KIZ: variants seen among roughly 807,000 people sequenced by gnomAD.
KIZ encodes the protein kizuna centrosomal protein, also known as centrosomal protein kizuna.
KIZ carries 68 observed loss-of-function variants against 79.6 expected under a neutral mutation model. The ratio of observed to expected loss-of-function variants is 0.85; its 90% CI spans 0.70 to 1.05. KIZ has a LOEUF of 1.05. Among genes scored for constraint, KIZ ranks in the 50% least tolerant of loss-of-function variants. The pLI, the probability that KIZ is intolerant of heterozygous loss-of-function variation, is 0.00. For missense variants in KIZ, 797 were observed against 800.4 expected, an observed-to-expected ratio of 1.00 and a Z score of 0.05; for synonymous variants, 280 against 281.8, an observed-to-expected ratio of 0.99 and a Z score of 0.06.
intron 9 of KIZ, among the ~76,000 whole-genome samples, chr20:21,217,407 G>A (rs982261010): frequency 7.9e-5 from 12 of 152,222 alleles, no homozygotes; most frequent in Non-Finnish European, 1.6e-4. Flanking sequence ...AGTAAAGCAA[G>A]TATGTAGTTT....
At chr20:21,214,334 A>G (rs1007096453) in intron 7 of KIZ, among the ~76,000 whole-genome samples, 3 of 152,202 alleles carry the variant, frequency 2.0e-5, no homozygotes, top group Admixed American at 6.5e-5. Context: ...TTGTGAGGGT[A>G]ACTTGTAAAG....
intron 4 of KIZ, among the ~76,000 whole-genome samples, chr20:21,155,853 C>T (rs145757181): frequency 6.6e-6 from 1 of 152,216 alleles, no homozygotes; most frequent in Admixed American, 6.5e-5. Flanking sequence ...AAATAATGCT[C>T]TACGTGAACT....
At chr20:21,222,661 C>G (rs963927289) in intron 9 of KIZ, among the ~76,000 whole-genome samples, 6 of 152,226 alleles carry the variant, frequency 3.9e-5, no homozygotes, top group Admixed American at 3.9e-4. Flanking sequence ...CAGCAGGGCC[C>G]TTGCCTCTGA....
intron 6 of KIZ, among the ~76,000 whole-genome samples, chr20:21,171,251 G>C (rs1234254946): frequency 6.6e-6 from 1 of 152,116 alleles, no homozygotes; most frequent in Non-Finnish European, 1.5e-5. Flanking sequence ...TGTCTGTTCA[G>C]ATCTGTCACC....
chr20:21,143,796 A>G (rs2032700651), intron 3 of KIZ, among the ~76,000 whole-genome samples: 1 of 152,188 alleles, frequency 6.6e-6, no homozygotes, highest in Non-Finnish European at 1.5e-5. Context: ...TAGGCTCTGG[A>G]GAGCGCTGTG....
chr20:21,195,790 T>C (rs1250203568), intron 6 of KIZ: 1 of 152,222 alleles, frequency 6.6e-6, no homozygotes, highest in Non-Finnish European at 1.5e-5. Context: ...TGAGAAGATC[T>C]AGGTTCACTG....
chr20:21,217,191 T>C (rs1390743767), intron 9 of KIZ, among the ~76,000 whole-genome samples: 1 of 152,238 alleles, frequency 6.6e-6, no homozygotes, highest in Non-Finnish European at 1.5e-5. Flanking sequence ...GTTAAGGTGT[T>C]ACTGTTCTGT....
chr20:21,208,276 C>T (rs573980303), intron 7 of KIZ, among the ~76,000 whole-genome samples: 3 of 152,188 alleles, frequency 2.0e-5, no homozygotes, highest in Admixed American at 1.3e-4. Flanking sequence ...GGGGTGCTGT[C>T]CAGCTAATAT....
At position 21,221,312 on chromosome 20, in the gene KIZ, A is replaced by C. The variant is rs138542101; in HGVS notation, c.1678+5664A>C. ...CAGCACCTAGCACAGTATCTGGCACAGAGTGGGCACTTAATTTGTCAAATG... is the reference window on the plus strand; with the variant it reads ...CAGCACCTAGCACAGTATCTGGCACCGAGTGGGCACTTAATTTGTCAAATG... On this transcript the variant is annotated intron_variant, in intron 9 of 12. Transcript: ENST00000619189. 6.6e-5 allele frequency among the ~76,000 whole-genome samples: 10 copies of C among 152,348 alleles called. No individual in the cohort carries two copies. In the East Asian group the frequency reaches 1.9e-3, roughly 29 times the overall value.
rs566772731 is a variant in KIZ, at chr20:21,135,977, G to T, written c.153-413G>T. Among the ~76,000 whole-genome samples, 8 of 152,218 alleles carry T rather than the reference G, an allele frequency of 5.3e-5. No homozygotes were observed. In the South Asian group the frequency reaches 1.7e-3, roughly 32 times the overall value. ...TTAATTTCTTAATTTTATGGGTTGTGATTTGTAGTTTGATTTAATTCCATA... is the reference window on the plus strand; with the variant it reads ...TTAATTTCTTAATTTTATGGGTTGTTATTTGTAGTTTGATTTAATTCCATA... On this transcript the variant is annotated intron_variant, in intron 2 of 12. Transcript: ENST00000619189.
intron 6 of KIZ, among the ~76,000 whole-genome samples, chr20:21,173,277 A>C (rs957519639): frequency 6.6e-6 from 1 of 152,072 alleles, no homozygotes; most frequent in Non-Finnish European, 1.5e-5. Context: ...ATATTTTTAT[A>C]TAAAAGAACC....
intron 6 of KIZ, among the ~76,000 whole-genome samples, chr20:21,204,833 G>C (rs2035749362): frequency 6.6e-6 from 1 of 152,140 alleles, no homozygotes; most frequent in African/African-American, 2.4e-5. Context: ...GTAGACCATG[G>C]TAAGAGTGTA....
intron 9 of KIZ, among the ~76,000 whole-genome samples, chr20:21,225,419 A>C (rs1420082217): frequency 6.6e-5 from 10 of 152,120 alleles, no homozygotes; most frequent in Non-Finnish European, 1.2e-4. Flanking sequence ...TAATGGGGGG[A>C]AGTGTTTCCC....
intron 4 of KIZ, chr20:21,151,955 G>A (rs1225872434): frequency 6.6e-6 from 1 of 152,208 alleles, no homozygotes; most frequent in Non-Finnish European, 1.5e-5. Context: ...GCTAGGGAGA[G>A]AGAGCACCCT....
intron 6 of KIZ, chr20:21,195,498 C>A (rs1010385347): frequency 1.3e-5 from 2 of 152,274 alleles, no homozygotes; most frequent in Admixed American, 1.3e-4. Flanking sequence ...CAGCCAGTTT[C>A]CAGTACTGCA....
At chr20:21,208,739 T>A (rs942472566) in intron 7 of KIZ, among the ~76,000 whole-genome samples, 1 of 151,800 alleles carries the variant, frequency 6.6e-6, no homozygotes, top group Non-Finnish European at 1.5e-5. Context: ...TAATTTCTCA[T>A]CCAGTTAGGT....
At chr20:21,217,175 C>T (rs914281152) in intron 9 of KIZ, among the ~76,000 whole-genome samples, 1 of 152,162 alleles carries the variant, frequency 6.6e-6, no homozygotes, top group African/African-American at 2.4e-5. Context: ...CAAAGCCATA[C>T]ACATTGTTAA....
chr20:21,187,806 A>G (rs1157242835), intron 6 of KIZ, among the ~76,000 whole-genome samples: 1 of 152,228 alleles, frequency 6.6e-6, no homozygotes, highest in Non-Finnish European at 1.5e-5. Flanking sequence ...TTAATGATAG[A>G]ACTGATTATA....
At chr20:21,189,041 G>T (rs2035008682) in intron 6 of KIZ, among the ~76,000 whole-genome samples, 1 of 152,096 alleles carries the variant, frequency 6.6e-6, no homozygotes, top group Non-Finnish European at 1.5e-5. Context: ...ACGGAGTCTT[G>T]CTATGTTGCC....
Sources: gnomAD v4.1 joint callset for allele counts (sites outside exome capture counted in the v4.1 genomes callset) on GRCh38, gnomAD v4.1.1 for gene constraint, MANE v1.5 for transcripts, NCBI Gene and HGNC (gene_info 2026-07-23, HGNC 2026-07-21) for gene names.